PCDH15: variants seen among roughly 807,000 people sequenced by gnomAD.
The protein encoded by PCDH15 is protocadherin related 15.
PCDH15 carries 129 observed loss-of-function variants against 178.5 expected under a neutral mutation model. That is an observed-to-expected ratio of 0.72 (90% CI 0.63 to 0.84). PCDH15 has a LOEUF of 0.84. Ranked by LOEUF, PCDH15 falls within the 40% of genes least tolerant of loss-of-function variation. The probability of loss-of-function intolerance (pLI) is 0.00; values close to 1 mark genes in which losing one functional copy is unlikely to be tolerated. For synonymous variants in PCDH15, 800 were observed against 732.0 expected (o/e 1.09, Z -1.50); for missense variants, 2,230 against 2,099.9 (o/e 1.06, Z -1.21).
chr10:55,143,304 T>C (rs1180293325), intron 2 of PCDH15, among the ~76,000 whole-genome samples: 2 of 152,104 alleles, frequency 1.3e-5, no homozygotes, highest in Non-Finnish European at 1.5e-5. Flanking sequence ...TATGTATACC[T>C]GATAAAAGAG....
intron 8 of PCDH15, among the ~76,000 whole-genome samples, chr10:54,291,958 C>T (rs1033685174): frequency 4.6e-5 from 7 of 152,172 alleles, no homozygotes; most frequent in African/African-American, 1.7e-4. Context: ...GGAATCCTCC[C>T]TAACTCATTT....
intron 2 of PCDH15, among the ~76,000 whole-genome samples, chr10:55,560,803 T>C (rs956246637): frequency 6.6e-6 from 1 of 151,844 alleles, no homozygotes; most frequent in African/African-American, 2.4e-5. Flanking sequence ...TTTTAGCCAA[T>C]GATGTTAGAT....
intron 1 of PCDH15, among the ~76,000 whole-genome samples, chr10:55,189,597 A>C (rs1013622548): frequency 1.3e-5 from 2 of 152,014 alleles, no homozygotes; most frequent in South Asian, 2.1e-4. Flanking sequence ...TATAAGCTTT[A>C]TGTTTAAGAA....
intron 2 of PCDH15, among the ~76,000 whole-genome samples, chr10:55,121,258 T>C (rs1837761125): frequency 6.6e-6 from 1 of 152,166 alleles, no homozygotes; most frequent in South Asian, 2.1e-4. Flanking sequence ...TTGGGATCTC[T>C]TACCCTTTGT....
chr10:55,355,576 A>G (rs1225109145), intron 2 of PCDH15, among the ~76,000 whole-genome samples: 1 of 151,930 alleles, frequency 6.6e-6, no homozygotes, highest in African/African-American at 2.4e-5. Context: ...AATTTTTAAA[A>G]AACTGAATTT....
At chr10:54,681,440 T>C (rs1301161493) in intron 1 of PCDH15, among the ~76,000 whole-genome samples, 4 of 152,012 alleles carry the variant, frequency 2.6e-5, no homozygotes, top group African/African-American at 9.7e-5. Context: ...ATAAAGGGTA[T>C]GTGGCTAAAG....
At chr10:53,828,207 C>CAAAAAAAAAAAAAAAAAAAAAAA (rs71004480) in intron 31 of PCDH15, among the ~76,000 whole-genome samples, 1 of 53,754 alleles carries the variant, frequency 1.9e-5, no homozygotes, top group African/African-American at 7.2e-5. Context: ...AAGTCCGTCT[C>CAAAAAAAAAAAAAAAAAAAAAAA]AAAAAAAAAA....
intron 2 of PCDH15, among the ~76,000 whole-genome samples, chr10:54,900,467 T>C (rs1245190142): frequency 6.6e-6 from 1 of 152,200 alleles, no homozygotes; most frequent in Admixed American, 6.5e-5. Flanking sequence ...AGTATTTAGT[T>C]AAGGTGGTAA....
chr10:54,052,173 GT>G (rs937690794), intron 18 of PCDH15, among the ~76,000 whole-genome samples: 2 of 152,200 alleles, frequency 1.3e-5, no homozygotes, highest in Admixed American at 6.5e-5. Context: ...CCCACACAGA[GT>G]CCCCACTGGG....
chr10:53,808,708 T>C (rs1490664471), intron 37 of PCDH15: 2 of 1,612,992 alleles, frequency 1.2e-6, no homozygotes. Flanking sequence ...TGCTGTGTTG[T>C]AACCTTCAGA....
rs1173377441 is a variant in PCDH15, at chr10:54,655,256, AAGAGAGAGAGAGAGAGAGAG to A, written c.91+8896_91+8915del. Among the ~76,000 whole-genome samples, 10 of 48,878 alleles carry A rather than the reference AAGAGAGAGAGAGAGAGAGAG, an allele frequency of 2.0e-4. 1 individual carries two copies. The highest frequency in any genetic ancestry group is 2.7e-4 in the Admixed American group (1 of 3,664). The allele number at this position is 48,878 out of a possible 152,430, so 32.1% of individuals were successfully genotyped here. A position where few individuals can be genotyped will look rare whatever the true frequency, so the allele number is the denominator to read the frequency against. ...AGGAAGGGAAAGAAAGAAAGAAAGAAAGAGAGAGAGAGAGAGAGAGAGAGAGAGAGAGAGAGAGAGAGAGA... is the reference window on the plus strand; with the variant it reads ...AGGAAGGGAAAGAAAGAAAGAAAGAAAGAGAGAGAGAGAGAGAGAGAGAGA... On this transcript the variant is annotated intron_variant, in intron 2 of 37. Coordinates refer to ENST00000644397, the MANE Select transcript of PCDH15 (RefSeq NM_001384140.1).
At chr10:54,041,430 A>G (rs1020202847) in intron 18 of PCDH15, among the ~76,000 whole-genome samples, 2 of 152,080 alleles carry the variant, frequency 1.3e-5, no homozygotes, top group South Asian at 2.1e-4. Context: ...CTAACTAAGG[A>G]CAAGAGTAAT....
At chr10:53,931,989 G>T (rs2085102741) in intron 25 of PCDH15, among the ~76,000 whole-genome samples, 1 of 152,130 alleles carries the variant, frequency 6.6e-6, no homozygotes. Context: ...TGGAGATTAT[G>T]GAGAAAAGGC....
At chr10:54,914,870 C>T (rs1954874336) in intron 2 of PCDH15, among the ~76,000 whole-genome samples, 1 of 152,150 alleles carries the variant, frequency 6.6e-6, no homozygotes, top group Non-Finnish European at 1.5e-5. Flanking sequence ...TAAGTGTCGT[C>T]CTCACTCAAG....
At chr10:54,694,892 G>T (rs1021638221) in intron 1 of PCDH15, among the ~76,000 whole-genome samples, 3 of 152,090 alleles carry the variant, frequency 2.0e-5, no homozygotes, top group Non-Finnish European at 4.4e-5. Context: ...AATAAGCTTA[G>T]TGAGAAAGGC....
intron 14 of PCDH15, among the ~76,000 whole-genome samples, chr10:54,144,962 A>G (rs1023505713): frequency 2.0e-5 from 3 of 152,146 alleles, no homozygotes; most frequent in Non-Finnish European, 4.4e-5. Flanking sequence ...TTACTTATCT[A>G]TGTGTGAATA....
At chr10:55,023,437 A>T (rs1591841378) in intron 2 of PCDH15, among the ~76,000 whole-genome samples, 1 of 152,296 alleles carries the variant, frequency 6.6e-6, no homozygotes, top group East Asian at 1.9e-4. Flanking sequence ...TCTTTGAAAA[A>T]CTACAATTTT....
intron 8 of PCDH15, among the ~76,000 whole-genome samples, chr10:54,293,806 A>T (rs907264540): frequency 1.9e-4 from 29 of 152,336 alleles, no homozygotes; most frequent in African/African-American, 7.0e-4. Context: ...ATCATTAAAA[A>T]GTCGGGAAAC....
chr10:54,570,413 T>C (rs1428777580), intron 2 of PCDH15, among the ~76,000 whole-genome samples: 2 of 152,176 alleles, frequency 1.3e-5, no homozygotes, highest in African/African-American at 4.8e-5. Flanking sequence ...TGCTTACTCA[T>C]TTTTAATTGA....
Sources: gnomAD v4.1 joint callset for allele counts (sites outside exome capture counted in the v4.1 genomes callset) on GRCh38, gnomAD v4.1.1 for gene constraint, MANE v1.5 for transcripts, NCBI Gene and HGNC (gene_info 2026-07-23, HGNC 2026-07-21) for gene names.